HMGCLL1: variants seen among roughly 807,000 people sequenced by gnomAD.
HMGCLL1 encodes 3-hydroxymethyl-3-methylglutaryl-CoA lyase, cytoplasmic.
Under a neutral mutation model 39.1 loss-of-function variants are expected in HMGCLL1, and 36 were observed. The observed-to-expected ratio is 0.92, with a 90% CI of 0.71 to 1.22. The LOEUF (loss-of-function observed/expected upper bound fraction) is 1.22. Ranked by LOEUF, HMGCLL1 falls within the 50% of genes most tolerant of loss-of-function variation. HMGCLL1 has a pLI of 0.00. For synonymous variants in HMGCLL1, 149 were observed against 144.0 expected (o/e 1.03, Z -0.25); for missense variants, 451 against 416.5 (o/e 1.08, Z -0.72).
chr6:55,546,950 CT>C (rs1330322801), intron 1 of HMGCLL1, among the ~76,000 whole-genome samples: 1 of 151,970 alleles, frequency 6.6e-6, no homozygotes, highest in Admixed American at 6.6e-5. Context: ...TAATGGTTCA[CT>C]TTCATAGAGT....
intron 7 of HMGCLL1, among the ~76,000 whole-genome samples, chr6:55,449,528 G>A (rs1021915006): frequency 6.6e-6 from 1 of 152,132 alleles, no homozygotes; most frequent in Non-Finnish European, 1.5e-5. Flanking sequence ...TATTCATTTC[G>A]AAGTGTGTTT....
chr6:55,467,314 AATATTT>A (rs1291911774), intron 7 of HMGCLL1, among the ~76,000 whole-genome samples: 1 of 152,072 alleles, frequency 6.6e-6, no homozygotes, highest in Non-Finnish European at 1.5e-5. Flanking sequence ...TTTCTATGTG[AATATTT>A]TCATGTTTTT....
chr6:55,481,427 AG>A (rs1765736738), intron 7 of HMGCLL1, among the ~76,000 whole-genome samples: 1 of 152,098 alleles, frequency 6.6e-6, no homozygotes, highest in Non-Finnish European at 1.5e-5. Flanking sequence ...ATACAAAGAA[AG>A]GATAAATGCT....
intron 7 of HMGCLL1, among the ~76,000 whole-genome samples, chr6:55,480,864 G>A (rs557107531): frequency 1.3e-5 from 2 of 152,200 alleles, no homozygotes; most frequent in South Asian, 2.1e-4. Flanking sequence ...ATTATGTTAA[G>A]TGAAATAAGC....
At chr6:55,476,805 T>C (rs1007846140) in intron 7 of HMGCLL1, among the ~76,000 whole-genome samples, 1 of 151,208 alleles carries the variant, frequency 6.6e-6, no homozygotes, top group Non-Finnish European at 1.5e-5. Context: ...TGGCTAGGAG[T>C]TTCTTTTCTT....
intron 3 of HMGCLL1, among the ~76,000 whole-genome samples, chr6:55,527,673 A>C (rs549312456): frequency 3.3e-5 from 5 of 152,054 alleles, no homozygotes; most frequent in Non-Finnish European, 7.4e-5. Context: ...GGACCTCAAC[A>C]AATCTTTTAT....
At chr6:55,563,815 T>C in intron 1 of HMGCLL1, 1 of 1,191,564 alleles carries the variant, frequency 8.4e-7, no homozygotes, top group Non-Finnish European at 1.1e-6. Context: ...TCTCCTATTC[T>C]CACCTTTAGT....
In HMGCLL1 at chr6:55,435,707, A is replaced by C; in HGVS notation, c.978T>G (p.Asn326Lys). The change falls in exon 9 of 9, where the codon AAT (asparagine) becomes AAG (lysine). Residue 326 changes from asparagine to lysine, a missense_variant. Asn to Lys is a moderately conservative substitution (Grantham distance 94). Coordinates refer to ENST00000274901, the MANE Select transcript of HMGCLL1 (RefSeq NM_001042406.2). ...EAGDFICKAV[N>K]KTTNSKVAQA... Reference sequence around the variant, plus strand: ...GTGCTACTTTAGAGTTTGTGGTTTTATTCACAGCTTTGCAAATAAAGTCAC... The same window carrying C: ...GTGCTACTTTAGAGTTTGTGGTTTTCTTCACAGCTTTGCAAATAAAGTCAC... 1 of 1,606,468 alleles carries C rather than the reference A, an allele frequency of 6.2e-7. No homozygotes were observed. Among genetic ancestry groups the C allele is most frequent in the South Asian group, 1.1e-5 (1 of 90,530 alleles).
At chr6:55,493,710 CTGTTTTTGTTTTTTTTGTTTT>C (rs1766431966) in intron 7 of HMGCLL1, among the ~76,000 whole-genome samples, 1 of 145,542 alleles carries the variant, frequency 6.9e-6, no homozygotes, top group Admixed American at 6.8e-5. Context: ...TTAGTTCCTT[CTGTTTTTGTTTTTTTTGTTTT>C]TGTTTTTGTT....
At chr6:55,533,606 G>A (rs913104754) in intron 3 of HMGCLL1, among the ~76,000 whole-genome samples, 2 of 152,190 alleles carry the variant, frequency 1.3e-5, no homozygotes, top group East Asian at 3.9e-4. Context: ...AACAGACTCG[G>A]CCGGGCGCGG....
At chr6:55,602,619 G>A in the HMGCLL1 span, among the ~76,000 whole-genome samples, 1 of 151,788 alleles carries the variant, frequency 6.6e-6, no homozygotes, top group Admixed American at 6.6e-5. Flanking sequence ...GTGGCACTTC[G>A]ATATTTTTTC....
intron 1 of HMGCLL1, among the ~76,000 whole-genome samples, chr6:55,557,458 C>G (rs1318321881): frequency 1.3e-5 from 2 of 152,066 alleles, no homozygotes; most frequent in Non-Finnish European, 2.9e-5. Context: ...ACTCACTGAC[C>G]CCTCACTTGG....
the HMGCLL1 span, among the ~76,000 whole-genome samples, chr6:55,631,973 T>G: frequency 3.3e-5 from 5 of 152,108 alleles, no homozygotes; most frequent in Non-Finnish European, 7.4e-5. Flanking sequence ...TCTGGAAAGT[T>G]TTTCTGAAAT....
chr6:55,449,279 T>G (rs907498046), intron 7 of HMGCLL1, among the ~76,000 whole-genome samples: 1 of 152,188 alleles, frequency 6.6e-6, no homozygotes, highest in Non-Finnish European at 1.5e-5. Context: ...GCCAATGGCA[T>G]GCAAGCAAAG....
chr6:55,569,265 T>G (rs535284495), intron 1 of HMGCLL1, among the ~76,000 whole-genome samples: 2 of 152,244 alleles, frequency 1.3e-5, no homozygotes, highest in Admixed American at 1.3e-4. Flanking sequence ...CCAGGAGCTC[T>G]GGAAAGACAG....
At chr6:55,511,420 T>TG (rs1199840567) in intron 5 of HMGCLL1, among the ~76,000 whole-genome samples, 2 of 152,028 alleles carry the variant, frequency 1.3e-5, no homozygotes, top group Non-Finnish European at 2.9e-5. Flanking sequence ...AGTGAGTGTG[T>TG]GGGGGGAATT....
At chr6:55,532,416 T>A (rs1005436643) in intron 3 of HMGCLL1, among the ~76,000 whole-genome samples, 2 of 152,132 alleles carry the variant, frequency 1.3e-5, no homozygotes, top group Admixed American at 6.5e-5. Context: ...CAGTAGAAGT[T>A]GTTGTTGAAT....
intron 7 of HMGCLL1, among the ~76,000 whole-genome samples, chr6:55,462,235 C>T (rs775054392): frequency 7.2e-5 from 11 of 152,164 alleles, no homozygotes; most frequent in South Asian, 2.1e-4. Flanking sequence ...AATTACTCCT[C>T]GTCTAAAATG....
At chr6:55,486,538 C>T (rs1026814240) in intron 7 of HMGCLL1, among the ~76,000 whole-genome samples, 2 of 152,074 alleles carry the variant, frequency 1.3e-5, no homozygotes, top group African/African-American at 4.8e-5. Context: ...TCTCATAAAG[C>T]TGGCAATGCC....
Sources: allele counts gnomAD v4.1 joint callset (sites outside exome capture counted in the v4.1 genomes callset), GRCh38; gene constraint gnomAD v4.1.1; transcripts MANE v1.5; gene names NCBI Gene and HGNC (gene_info 2026-07-23, HGNC 2026-07-21).